The following NRG1 variants were observed in gnomAD, a reference collection of about 807,000 sequenced individuals.
NRG1 encodes pro-neuregulin-1, membrane-bound isoform.
In NRG1, 18 loss-of-function variants were observed where a neutral mutation model predicts 63.8. The observed-to-expected ratio is 0.28, with a 90% CI of 0.19 to 0.42. The LOEUF (loss-of-function observed/expected upper bound fraction) is 0.42, where lower values mean the gene tolerates loss of function less well. NRG1 is among the 10% of genes least tolerant of loss of function. The pLI, the probability that NRG1 is intolerant of heterozygous loss-of-function variation, is 1.00. For missense variants in NRG1, 762 were observed against 814.7 expected (o/e 0.94, Z 0.79); for synonymous variants, 302 against 301.3 (o/e 1.00, Z -0.02).
intron 5 of NRG1, chr8:32,647,205 C>A: frequency 1.0e-6 from 1 of 985,394 alleles, no homozygotes; most frequent in South Asian, 4.7e-5. Context: ...CAACAGGATG[C>A]TGTTGCTATT....
intron 5 of NRG1, among the ~76,000 whole-genome samples, chr8:32,676,246 G>C (rs539687131): frequency 1.3e-5 from 2 of 152,112 alleles, no homozygotes; most frequent in Non-Finnish European, 2.9e-5. Flanking sequence ...TTTGGGGAAG[G>C]TGCCAAGGAA....
intron 1 of NRG1, among the ~76,000 whole-genome samples, chr8:32,283,251 T>G (rs1307492297): frequency 6.6e-6 from 1 of 152,210 alleles, no homozygotes. Context: ...TAGGCTCTTT[T>G]TTTCTTTTTC....
intron 1 of NRG1, among the ~76,000 whole-genome samples, chr8:32,302,238 A>G (rs569288244): frequency 1.3e-5 from 2 of 152,308 alleles, no homozygotes; most frequent in South Asian, 2.1e-4. Context: ...CACAGCTCAC[A>G]AGGAAGAAGT....
At chr8:32,535,688 C>T (rs143400392) in intron 1 of NRG1, among the ~76,000 whole-genome samples, 3,191 of 152,286 alleles carry the variant, frequency 0.021, 37 homozygotes, top group Middle Eastern at 0.048. Flanking sequence ...TGATCATCTG[C>T]TCTTTGTGAA....
intron 1 of NRG1, among the ~76,000 whole-genome samples, chr8:31,793,685 C>T (rs1820924919): frequency 6.6e-6 from 1 of 152,096 alleles, no homozygotes; most frequent in South Asian, 2.1e-4. Context: ...AGTAAACAAA[C>T]AAAAACAAAG....
At chr8:31,886,542 G>A (rs955256322) in intron 1 of NRG1, among the ~76,000 whole-genome samples, 1 of 152,094 alleles carries the variant, frequency 6.6e-6, no homozygotes, top group Admixed American at 6.6e-5. Context: ...TGCTTTTAAT[G>A]ACAAGGGTAG....
At chr8:31,935,505 G>T (rs181523434) in intron 1 of NRG1, among the ~76,000 whole-genome samples, 3 of 152,110 alleles carry the variant, frequency 2.0e-5, no homozygotes, top group Middle Eastern at 3.2e-3. Context: ...TGGTCCTCCC[G>T]CCTCAGCCTC....
intron 1 of NRG1, among the ~76,000 whole-genome samples, chr8:32,349,581 CAAGGTATTCA>C (rs1292321429): frequency 6.6e-6 from 1 of 152,108 alleles, no homozygotes. Flanking sequence ...AAGAGTAGGA[CAAGGTATTCA>C]AAGATCTAAG....
chr8:32,521,658 A>G (rs990215023), intron 1 of NRG1, among the ~76,000 whole-genome samples: 2 of 152,240 alleles, frequency 1.3e-5, no homozygotes, highest in African/African-American at 4.8e-5. Context: ...AAGCAAAGTC[A>G]GATATTGAAA....
chr8:32,298,726 A>AG lies in NRG1; in HGVS notation c.38-297102_38-297101insG, dbSNP rs1410019568. 2.0e-4 allele frequency among the ~76,000 whole-genome samples: 28 copies of AG among 138,354 alleles called. No homozygotes were observed. The South Asian group carries it at 5.7e-3, about 28-fold the overall frequency. 90.8% of individuals were successfully genotyped at this position (138,354 alleles called of 152,430 possible). On this transcript the variant is annotated intron_variant, in intron 1 of 10. Transcript: ENST00000519301. ...CGAAACTCAGTCTCAAAAAAAAAAA[A>AG]AAAAGAAAAGAAAAGAAAAAGATCG... is the stretch of plus-strand genomic sequence containing the variant.
intron 1 of NRG1, among the ~76,000 whole-genome samples, chr8:32,322,073 G>T (rs1271559008): frequency 2.0e-5 from 3 of 151,768 alleles, no homozygotes; most frequent in Admixed American, 2.0e-4. Context: ...AGCTACTTGG[G>T]AACCTGAGAT....
At chr8:32,427,795 CA>C (rs1264471350) in intron 1 of NRG1, among the ~76,000 whole-genome samples, 1 of 152,116 alleles carries the variant, frequency 6.6e-6, no homozygotes, top group Non-Finnish European at 1.5e-5. Context: ...GAAATATGCT[CA>C]GTGTCAAGGA....
chr8:31,844,686 T>G (rs1383659466), intron 1 of NRG1, among the ~76,000 whole-genome samples: 7 of 152,126 alleles, frequency 4.6e-5, no homozygotes, highest in African/African-American at 1.4e-4. Flanking sequence ...TCTGTGAAGG[T>G]AGATAATAAA....
chr8:32,412,389 C>CTT (rs1401655898), intron 1 of NRG1, among the ~76,000 whole-genome samples: 3 of 99,058 alleles, frequency 3.0e-5, no homozygotes, highest in Non-Finnish European at 6.4e-5. Flanking sequence ...CTCTTTCTTT[C>CTT]TCTCTCTCTC....
chr8:32,763,148 A>G, intron 11 of NRG1: 2 of 1,501,458 alleles, frequency 1.3e-6, no homozygotes, highest in East Asian at 4.5e-5. Context: ...GAAAAAATGA[A>G]AAGCACACAA....
At chr8:32,433,240 A>G (rs967423792) in intron 1 of NRG1, among the ~76,000 whole-genome samples, 1 of 152,186 alleles carries the variant, frequency 6.6e-6, no homozygotes, top group African/African-American at 2.4e-5. Context: ...TCAGGAAAAT[A>G]TCAGAATGAA....
chr8:32,383,489 C>G lies in NRG1; in HGVS notation c.38-212339C>G, dbSNP rs571136333. On this transcript the variant is annotated intron_variant, in intron 1 of 10. Coordinates refer to the NRG1 transcript ENST00000519301. ...ATACAAAACTTTCTCCTACCTCCTC[C>G]TTTTTCCCACCTGTGAACCTAACAC... Among the ~76,000 whole-genome samples the G allele has an allele frequency of 2.7e-3, 407 of 152,296 alleles. 2 individuals are homozygous for G. The highest frequency in any genetic ancestry group is 4.9e-3 in the Non-Finnish European group (332 of 68,008).
chr8:31,808,236 G>A (rs761242357), intron 1 of NRG1, among the ~76,000 whole-genome samples: 4 of 151,802 alleles, frequency 2.6e-5, no homozygotes, highest in African/African-American at 9.7e-5. Context: ...GTTAATAATG[G>A]CATGTTTACT....
chr8:32,465,189 G>A (rs1383832397), intron 1 of NRG1, among the ~76,000 whole-genome samples: 4 of 152,054 alleles, frequency 2.6e-5, no homozygotes, highest in Admixed American at 6.6e-5. Flanking sequence ...CCAACAACAA[G>A]CACAAACCAA....
Sources: gnomAD v4.1 joint callset for allele counts (sites outside exome capture counted in the v4.1 genomes callset) on GRCh38, gnomAD v4.1.1 for gene constraint, MANE v1.5 for transcripts, NCBI Gene and HGNC (gene_info 2026-07-23, HGNC 2026-07-21) for gene names.